The following RCBTB1 variants were observed in gnomAD, a reference collection of about 807,000 sequenced individuals.
RCBTB1 encodes RCC1 and BTB domain containing protein 1.
A neutral mutation model predicts 62.4 loss-of-function variants in RCBTB1; 46 were observed. The observed-to-expected ratio is 0.74, with a 90% CI of 0.58 to 0.94. RCBTB1 has a LOEUF of 0.94. Among genes scored for constraint, RCBTB1 ranks in the 40% least tolerant of loss-of-function variants. RCBTB1 has a pLI of 0.00. For missense variants in RCBTB1, 565 were observed against 654.9 expected (o/e 0.86, Z 1.50); for synonymous variants, 222 against 245.8 (o/e 0.90, Z 0.91).
At chr13:49,567,353 T>TAA (rs1168702579) in intron 2 of RCBTB1, 33 bp from the exon 3 acceptor site, 2 of 1,522,272 alleles carry the variant, frequency 1.3e-6, no homozygotes, top group African/African-American at 2.8e-5. Flanking sequence ...AGAAAAAAAT[T>TAA]AAATAGTCAC....
At position 49,534,205 on chromosome 13, in the gene RCBTB1, T is replaced by A; in HGVS notation, c.1513A>T (p.Thr505Ser). Residue 505 changes from threonine (T) to serine (S), a missense_variant, in exon 13 of 13, where the codon ACT (threonine) becomes TCT (serine). Transcript: ENST00000378302. Reference protein sequence around the residue: ...CINHLTEVTQTAAFWQMDGPL... With the variant: ...CINHLTEVTQSAAFWQMDGPL... ...CCATCCATTTGCCAAAATGCTGCAG[T>A]CTGTGTAACTTCTGTCAAATGATTG... is the stretch of plus-strand genomic sequence containing the variant. 4 of 1,614,166 alleles carry A rather than the reference T, an allele frequency of 2.5e-6. No individual in the cohort carries two copies. The East Asian group carries it at 8.9e-5, about 36-fold the overall frequency.
intron 2 of RCBTB1, 65 bp from the exon 3 acceptor site, chr13:49,567,385 G>T: frequency 8.1e-7 from 1 of 1,229,356 alleles, no homozygotes; most frequent in Non-Finnish European, 1.1e-6. Flanking sequence ...TCAAAAAAAA[G>T]ACCTGTTAAT....
chr13:49,565,428 G>T (rs1448820443), intron 4 of RCBTB1, among the ~76,000 whole-genome samples: 1 of 151,318 alleles, frequency 6.6e-6, no homozygotes, highest in Admixed American at 6.6e-5. Context: ...GCCTCTGCCC[G>T]GCCGCCACCC....
At chr13:49,566,022 C>A (rs1189955733) in intron 4 of RCBTB1, among the ~76,000 whole-genome samples, 2 of 149,024 alleles carry the variant, frequency 1.3e-5, no homozygotes, top group East Asian at 2.0e-4. Flanking sequence ...GGATTAAGGG[C>A]GGTGCAAGAT....
chr13:49,556,349 C>A (rs1236017487), intron 5 of RCBTB1, among the ~76,000 whole-genome samples: 1 of 151,986 alleles, frequency 6.6e-6, no homozygotes, highest in Non-Finnish European at 1.5e-5. Flanking sequence ...CGCCACCATG[C>A]CCGGCTAATT....
chr13:49,536,142 A>G (rs1444668298), intron 12 of RCBTB1, among the ~76,000 whole-genome samples: 1 of 152,176 alleles, frequency 6.6e-6, no homozygotes, highest in Non-Finnish European at 1.5e-5. Flanking sequence ...CTTCCCCTCC[A>G]ATTAGTTTGA....
intron 4 of RCBTB1, among the ~76,000 whole-genome samples, 173 bp downstream of exon 4, chr13:49,566,445 T>C (rs1288781797): frequency 6.6e-6 from 1 of 152,198 alleles, no homozygotes; most frequent in Non-Finnish European, 1.5e-5. Context: ...CCTATAGCTT[T>C]TCCAGAGTTA....
chr13:49,539,358 C>G (rs2139125488), intron 12 of RCBTB1: 1 of 152,202 alleles, frequency 6.6e-6, no homozygotes, highest in African/African-American at 2.4e-5. Flanking sequence ...AAAATGAAAA[C>G]TAGTAAAGGA....
intron 2 of RCBTB1, among the ~76,000 whole-genome samples, chr13:49,570,031 G>T (rs759871231): frequency 6.6e-6 from 1 of 152,196 alleles, no homozygotes; most frequent in Non-Finnish European, 1.5e-5. Context: ...ATACAAGCAG[G>T]TAAGTAAATT....
chr13:49,541,241 A>G (rs1960338143), intron 11 of RCBTB1, among the ~76,000 whole-genome samples: 1 of 152,208 alleles, frequency 6.6e-6, no homozygotes, highest in African/African-American at 2.4e-5. Context: ...CAAAAAATGC[A>G]ATTTCAATCC....
intron 5 of RCBTB1, among the ~76,000 whole-genome samples, chr13:49,559,555 C>T (rs1189699903): frequency 6.7e-6 from 1 of 149,312 alleles, no homozygotes; most frequent in Non-Finnish European, 1.5e-5. Context: ...ACTTGGGAGG[C>T]TGAGGCAGGA....
intron 2 of RCBTB1, among the ~76,000 whole-genome samples, chr13:49,573,192 AAT>A (rs1337954916): frequency 2.0e-5 from 3 of 152,216 alleles, no homozygotes; most frequent in African/African-American, 7.2e-5. Flanking sequence ...GTTATAAAAC[AAT>A]ATGTCCTGTA....
intron 6 of RCBTB1, among the ~76,000 whole-genome samples, chr13:49,553,084 A>C (rs1566234730): frequency 2.6e-5 from 4 of 152,100 alleles, no homozygotes; most frequent in Non-Finnish European, 5.9e-5. Context: ...CAGGAGGCTG[A>C]GACAGGAGAA....
At chr13:49,548,006 T>C (rs1009549847) in intron 9 of RCBTB1, among the ~76,000 whole-genome samples, 1 of 152,078 alleles carries the variant, frequency 6.6e-6, no homozygotes, top group African/African-American at 2.4e-5. Context: ...CTAAAACTCC[T>C]GAGCTCAAGC....
At position 49,549,042 on chromosome 13, in the gene RCBTB1, A is replaced by G. The variant is rs1305400431; in HGVS notation, c.1045+416T>C. Reference sequence around the variant, plus strand: ...TACTACTTGGGAGGCTGAGGCAGGAAAATCTCTTGAACTCGGGAGGTGGAG... The same window carrying G: ...TACTACTTGGGAGGCTGAGGCAGGAGAATCTCTTGAACTCGGGAGGTGGAG... On this transcript the variant is annotated intron_variant, in intron 9 of 12. Transcript: ENST00000378302. Among the ~76,000 whole-genome samples, 16 of 133,450 alleles carry G rather than the reference A, an allele frequency of 1.2e-4. 3 individuals are homozygous for G. In the South Asian group the frequency reaches 1.6e-3, roughly 13 times the overall value. 87.5% of individuals were successfully genotyped at this position (133,450 alleles called of 152,430 possible).
intron 1 of RCBTB1, among the ~76,000 whole-genome samples, chr13:49,583,996 A>C (rs1198493925): frequency 6.6e-6 from 1 of 152,196 alleles, no homozygotes; most frequent in Non-Finnish European, 1.5e-5. Context: ...AAGGGATATC[A>C]TCATCATAAT....
chr13:49,538,641 AG>A (rs1301769931), intron 12 of RCBTB1, among the ~76,000 whole-genome samples: 2 of 152,186 alleles, frequency 1.3e-5, no homozygotes, highest in East Asian at 1.9e-4. Context: ...ACTTGAGCCC[AG>A]GAAGTTGAGG....
chr13:49,539,125 C>A (rs1268174098), intron 12 of RCBTB1, among the ~76,000 whole-genome samples: 1 of 151,854 alleles, frequency 6.6e-6, no homozygotes, highest in Non-Finnish European at 1.5e-5. Flanking sequence ...CTTGGCCTCC[C>A]AAAGTGCCGG....
intron 2 of RCBTB1, among the ~76,000 whole-genome samples, chr13:49,576,177 C>CAA (rs71078868): frequency 0.023 from 935 of 40,010 alleles, 183 homozygotes; most frequent in African/African-American, 0.053. Context: ...ACAGGCGTCG[C>CAA]AAAAAAAAAA....
Sources: allele counts gnomAD v4.1 joint callset (sites outside exome capture counted in the v4.1 genomes callset), GRCh38; gene constraint gnomAD v4.1.1; transcripts MANE v1.5; gene names NCBI Gene and HGNC (gene_info 2026-07-23, HGNC 2026-07-21).